The following PPFIBP2 variants were observed in gnomAD, a reference collection of about 807,000 sequenced individuals.
PPFIBP2 encodes the protein liprin-beta-2.
In PPFIBP2, 118 loss-of-function variants were observed where a neutral mutation model predicts 118.3. The ratio of observed to expected loss-of-function variants is 1.00; its 90% confidence interval spans 0.86 to 1.16. The LOEUF is 1.16. PPFIBP2 is among the 50% of genes most tolerant of loss of function. The pLI, the probability that PPFIBP2 is intolerant of heterozygous loss-of-function variation, is 0.00. For missense variants in PPFIBP2, 1,195 were observed against 1,073.1 expected (o/e 1.11, Z -1.59); for synonymous variants, 414 against 397.4 (o/e 1.04, Z -0.50).
intron 3 of PPFIBP2, among the ~76,000 whole-genome samples, chr11:7,582,205 G>A (rs1035792096): frequency 6.6e-6 from 1 of 152,076 alleles, no homozygotes; most frequent in Non-Finnish European, 1.5e-5. Context: ...GGATGACATC[G>A]ATCAGAACTG....
rs536875272 is a variant in PPFIBP2, at chr11:7,549,526, C to T, written c.51C>T (p.Asp17=). 39 of 1,563,218 alleles carry T rather than the reference C, an allele frequency of 2.5e-5. No homozygotes were observed. In the Admixed American group the frequency reaches 2.8e-4, roughly 11 times the overall value. ...HALEAALEQM[D]GIIAGTKTGA... ...TGGAAGCTGCCCTGGAGCAAATGGA[C>T]GGGATCATTGCAGGTACGCCCAGGG... The change falls in exon 2 of 24, where the codon GAC becomes GAT. Residue 17 remains aspartate (D), a synonymous_variant. Coordinates refer to ENST00000299492, the MANE Select transcript of PPFIBP2 (RefSeq NM_003621.5).
At chr11:7,561,851 G>T (rs1311139372) in intron 2 of PPFIBP2, among the ~76,000 whole-genome samples, 2 of 152,214 alleles carry the variant, frequency 1.3e-5, no homozygotes, top group Non-Finnish European at 2.9e-5. Flanking sequence ...AAGAGTTATA[G>T]TTAAGATATT....
At chr11:7,602,370 G>C (rs1433329868) in intron 5 of PPFIBP2, among the ~76,000 whole-genome samples, 1 of 152,190 alleles carries the variant, frequency 6.6e-6, no homozygotes, top group Non-Finnish European at 1.5e-5. Context: ...AAAAATCTCT[G>C]TATCATGGGG....
chr11:7,604,114 T>C (rs571479807), intron 5 of PPFIBP2, among the ~76,000 whole-genome samples: 1 of 152,236 alleles, frequency 6.6e-6, no homozygotes, highest in East Asian at 1.9e-4. Flanking sequence ...TTGACTCCAG[T>C]CTTGGGTGAG....
intron 3 of PPFIBP2, among the ~76,000 whole-genome samples, chr11:7,570,141 C>G (rs1855493021): frequency 2.9e-5 from 1 of 34,664 alleles, no homozygotes; most frequent in Non-Finnish European, 5.4e-5. Context: ...CCCTCCACAC[C>G]TGCTTGGCTT....
Position 7,537,209 on chromosome 11 carries a change from G to A in PPFIBP2, c.-36-12231G>A, listed in dbSNP as rs1030652005. ...TTCTCAAGCTGGGGCAGCTTCATTC[G>A]CTGTCACTATTCCCCTGCTCTCTGG... On this transcript the variant is annotated intron_variant, in intron 1 of 23. Coordinates refer to ENST00000299492, the MANE Select transcript of PPFIBP2 (RefSeq NM_003621.5). Among the ~76,000 whole-genome samples the A allele has an allele frequency of 2.6e-5, 4 of 152,162 alleles. No homozygotes were observed. The South Asian group carries it at 6.2e-4, about 24-fold the overall frequency.
intron 21 of PPFIBP2, among the ~76,000 whole-genome samples, chr11:7,650,089 T>C (rs4758210): frequency 0.16 from 24,278 of 152,050 alleles, 2,322 homozygotes; most frequent in East Asian, 0.5. Flanking sequence ...CAGGCCCAGG[T>C]ACAGGGGATC....
At chr11:7,638,668 A>C (rs1197409013) in intron 14 of PPFIBP2, among the ~76,000 whole-genome samples, 2 of 152,238 alleles carry the variant, frequency 1.3e-5, no homozygotes, top group Non-Finnish European at 2.9e-5. Flanking sequence ...TTCAGGATCT[A>C]ATCAGGTGAT....
intron 1 of PPFIBP2, among the ~76,000 whole-genome samples, chr11:7,544,959 G>T (rs1852182326): frequency 6.6e-6 from 1 of 152,056 alleles, no homozygotes; most frequent in Non-Finnish European, 1.5e-5. Context: ...CTCCCTAGGA[G>T]ATGCTGTGTC....
At chr11:7,545,818 G>A (rs540415886) in intron 1 of PPFIBP2, among the ~76,000 whole-genome samples, 12 of 152,160 alleles carry the variant, frequency 7.9e-5, no homozygotes, top group Non-Finnish European at 1.5e-4. Context: ...CTGCAGGATG[G>A]GCTGGTTACC....
intron 1 of PPFIBP2, among the ~76,000 whole-genome samples, chr11:7,541,960 G>A (rs1851834550): frequency 6.6e-6 from 1 of 152,138 alleles, no homozygotes; most frequent in Non-Finnish European, 1.5e-5. Flanking sequence ...GGTATATCAG[G>A]AATTAGAACA....
chr11:7,541,215 C>T (rs1359474108), intron 1 of PPFIBP2, among the ~76,000 whole-genome samples: 1 of 152,232 alleles, frequency 6.6e-6, no homozygotes, highest in Non-Finnish European at 1.5e-5. Flanking sequence ...GGCTGGGCCT[C>T]TTGCTTGATT....
At chr11:7,667,293 T>A in the PPFIBP2 span, 2 of 149,706 alleles carry the variant, frequency 1.3e-5, no homozygotes, top group Non-Finnish European at 3.0e-5. Flanking sequence ...TTATAAAGCA[T>A]CTTAAAGAGA....
intron 14 of PPFIBP2, among the ~76,000 whole-genome samples, chr11:7,637,165 C>G (rs1417404922): frequency 6.6e-6 from 1 of 152,218 alleles, no homozygotes; most frequent in African/African-American, 2.4e-5. Context: ...ACATCACCTT[C>G]TCATGTGCAT....
Position 7,653,389 on chromosome 11 carries a change from A to T in PPFIBP2, c.*171A>T. 1 of 1,484,782 alleles carries T rather than the reference A, an allele frequency of 6.7e-7. No homozygotes were observed. Among genetic ancestry groups the T allele is most frequent in the Non-Finnish European group, 8.9e-7 (1 of 1,121,352 alleles). The allele number at this position is 1,484,782 out of a possible 1,614,324, so 92.0% of individuals were successfully genotyped here. ...AACCCTGAGGGTGGCCAGGATCTGG[A>T]GCTGCATCTCTAAGGGGCCAGGCTT... On this transcript the variant is annotated 3_prime_UTR_variant, in exon 24 of 24. Coordinates refer to ENST00000299492, the MANE Select transcript of PPFIBP2 (RefSeq NM_003621.5).
At chr11:7,562,542 C>T (rs1291078149) in intron 2 of PPFIBP2, among the ~76,000 whole-genome samples, 3 of 152,126 alleles carry the variant, frequency 2.0e-5, no homozygotes, top group African/African-American at 7.2e-5. Context: ...ATATAATATC[C>T]ACAAATTACG....
chr11:7,665,987 G>C, the PPFIBP2 span: 31 of 1,361,472 alleles, frequency 2.3e-5, no homozygotes, highest in Non-Finnish European at 3.1e-5. Flanking sequence ...AGGCGCGCCT[G>C]TGGGGTGCTC....
chr11:7,546,882 A>G (rs1852383371), intron 1 of PPFIBP2, among the ~76,000 whole-genome samples: 1 of 152,132 alleles, frequency 6.6e-6, no homozygotes, highest in Admixed American at 6.5e-5. Context: ...TGTCATAATT[A>G]TTTGTTCATA....
chr11:7,607,364 C>T (rs1847513687), intron 5 of PPFIBP2, among the ~76,000 whole-genome samples: 1 of 149,848 alleles, frequency 6.7e-6, no homozygotes, highest in Non-Finnish European at 1.5e-5. Context: ...GCCCATGCCA[C>T]CACGGGTGCT....
Sources: gnomAD v4.1 joint callset for allele counts (sites outside exome capture counted in the v4.1 genomes callset) on GRCh38, gnomAD v4.1.1 for gene constraint, MANE v1.5 for transcripts, NCBI Gene and HGNC (gene_info 2026-07-23, HGNC 2026-07-21) for gene names.